ANK3: variants seen among roughly 807,000 people sequenced by gnomAD.
The protein encoded by ANK3 is ankyrin-3.
Under a neutral mutation model 370.9 loss-of-function variants are expected in ANK3, and 57 were observed. The ratio of observed to expected loss-of-function variants is 0.15; its 90% confidence interval spans 0.12 to 0.19. The LOEUF (loss-of-function observed/expected upper bound fraction) is 0.19, where lower values mean the gene tolerates loss of function less well. ANK3 is among the 10% of genes least tolerant of loss of function. The pLI is 1.00. For missense variants in ANK3, 4,439 were observed against 5,302.1 expected, an observed-to-expected ratio of 0.84 and a Z score of 5.06; for synonymous variants, 1,929 against 1,946.3, an observed-to-expected ratio of 0.99 and a Z score of 0.23.
In ANK3 at chr10:60,029,785, C is replaced by A. The variant is rs1467558475; in HGVS notation, c.*61G>T. 2 of 149,922 alleles carry A rather than the reference C, an allele frequency of 1.3e-5. No individual in the cohort carries two copies. The highest frequency in any genetic ancestry group is 3.0e-5 in the Non-Finnish European group (2 of 67,746). The allele number at this position is 149,922 out of a possible 1,614,324, so 9.3% of individuals were successfully genotyped here. A position where few individuals can be genotyped will look rare whatever the true frequency, so the allele number is the denominator to read the frequency against. ...GAATTTTTACTTCCTGCTGACATTT[C>A]TTCCACGAATTTCTCAATACTGGCA... On this transcript the variant is annotated 3_prime_UTR_variant, in exon 44 of 44. Coordinates refer to ENST00000280772, the MANE Select transcript of ANK3 (RefSeq NM_020987.5).
At chr10:60,582,510 A>G (rs2077768755) in intron 2 of ANK3, among the ~76,000 whole-genome samples, 1 of 152,054 alleles carries the variant, frequency 6.6e-6, no homozygotes, top group East Asian at 1.9e-4. Context: ...AATATGTGCC[A>G]GAGTTGAGCA....
chr10:60,276,694 T>C (rs974741235), intron 4 of ANK3, among the ~76,000 whole-genome samples: 16 of 152,218 alleles, frequency 1.1e-4, no homozygotes, highest in Non-Finnish European at 2.2e-4. Flanking sequence ...CCGAGCCAGT[T>C]TAAAACCATG....
chr10:60,367,583 C>T (rs890232758), intron 1 of ANK3, among the ~76,000 whole-genome samples: 2 of 152,206 alleles, frequency 1.3e-5, no homozygotes, highest in Admixed American at 6.5e-5. Context: ...AAACAACAAT[C>T]GTTGCCTTGC....
intron 36 of ANK3, among the ~76,000 whole-genome samples, chr10:60,080,236 T>A (rs2084866260): frequency 6.8e-6 from 1 of 148,132 alleles, no homozygotes; most frequent in African/African-American, 2.7e-5. Context: ...AACATTCATA[T>A]TTATCTCCTA....
At chr10:60,395,469 C>A (rs1263498680) in intron 2 of ANK3, among the ~76,000 whole-genome samples, 1 of 152,172 alleles carries the variant, frequency 6.6e-6, no homozygotes, top group Admixed American at 6.5e-5. Flanking sequence ...AAAAAGAGAG[C>A]CCGATCTGTC....
intron 42 of ANK3, among the ~76,000 whole-genome samples, chr10:60,046,436 T>C (rs2076979699): frequency 6.6e-6 from 1 of 152,216 alleles, no homozygotes; most frequent in Admixed American, 6.5e-5. Flanking sequence ...GGGCAGGTAC[T>C]GAATGAATCT....
intron 2 of ANK3, among the ~76,000 whole-genome samples, chr10:60,494,608 G>A (rs1045705942): frequency 6.6e-6 from 1 of 152,046 alleles, no homozygotes; most frequent in African/African-American, 2.4e-5. Flanking sequence ...AATGCAAACT[G>A]GTTCCAACAA....
intron 18 of ANK3, among the ~76,000 whole-genome samples, chr10:60,174,886 A>AT (rs1379646063): frequency 6.6e-6 from 1 of 151,906 alleles, no homozygotes; most frequent in Non-Finnish European, 1.5e-5. Flanking sequence ...CGCCTGGCTA[A>AT]TTTTTCTATT....
intron 2 of ANK3, among the ~76,000 whole-genome samples, chr10:60,534,419 A>G (rs1238472270): frequency 6.6e-6 from 1 of 152,148 alleles, no homozygotes; most frequent in Non-Finnish European, 1.5e-5. Flanking sequence ...TGTGAAGGTC[A>G]AGAGTCAACT....
chr10:60,323,599 G>C (rs1255804209), intron 1 of ANK3, among the ~76,000 whole-genome samples: 2 of 152,120 alleles, frequency 1.3e-5, no homozygotes, highest in Admixed American at 1.3e-4. Context: ...TATAAATTTG[G>C]TAGTTATCAA....
At chr10:60,572,795 G>C (rs548458027) in intron 2 of ANK3, 3 of 1,231,774 alleles carry the variant, frequency 2.4e-6, no homozygotes, top group Non-Finnish European at 3.0e-6. Context: ...CAATATTTTA[G>C]CCTTTCATTT....
chr10:60,465,021 T>G (rs2064977042), intron 2 of ANK3, among the ~76,000 whole-genome samples: 1 of 152,126 alleles, frequency 6.6e-6, no homozygotes, highest in African/African-American at 2.4e-5. Context: ...ATCTCGGCAC[T>G]TTGGGAGGAC....
At position 60,071,665 on chromosome 10, in the gene ANK3, A is replaced by G. The variant is rs949080449; in HGVS notation, c.9216T>C (p.Asp3072=). 6.2e-7 allele frequency: 1 copy of G among 1,607,148 alleles called. No homozygotes were observed. The highest frequency in any genetic ancestry group is 8.5e-7 in the Non-Finnish European group (1 of 1,177,538). ...CTAGTGGTGCGAGTTTTTCCAATCCATCAATGGGACTGTGGTCGAATACAT... is the reference window on the plus strand; with the variant it reads ...CTAGTGGTGCGAGTTTTTCCAATCCGTCAATGGGACTGTGGTCGAATACAT... ...SSDVFDHSPI[D]GLEKLAPLAQ... The change falls in exon 37 of 44, where the codon GAT becomes GAC. Residue 3072 remains aspartate (D), a synonymous_variant. Transcript: ENST00000280772.
intron 8 of ANK3, among the ~76,000 whole-genome samples, chr10:60,214,188 T>A (rs1045273591): frequency 6.6e-6 from 1 of 152,108 alleles, no homozygotes; most frequent in African/African-American, 2.4e-5. Flanking sequence ...CACGACTAGT[T>A]TATGTATCTG....
chr10:60,090,107 A>G (rs542749554), intron 28 of ANK3, among the ~76,000 whole-genome samples: 2 of 152,284 alleles, frequency 1.3e-5, no homozygotes, highest in South Asian at 4.1e-4. Flanking sequence ...TTACGAGGTC[A>G]GGAGTTCAAG....
At chr10:60,648,886 TCC>T (rs2078749288) in intron 1 of ANK3, among the ~76,000 whole-genome samples, 5 of 150,904 alleles carry the variant, frequency 3.3e-5, no homozygotes, top group Admixed American at 2.6e-4. Flanking sequence ...CTGCTCCTGC[TCC>T]TGCTCCCCCA....
rs377214080 is a variant in ANK3, at chr10:60,086,890, G to A, written c.3541-6C>T. ...TCATCTGGAACAGGCTGGGCCTAGA[G>A]ACAGAGAAAGGACTTTAAATGAAAG... On this transcript the variant is annotated splice_polypyrimidine_tract_variant and splice_region_variant and intron_variant, in intron 29 of 43. Coordinates refer to ENST00000280772, the MANE Select transcript of ANK3 (RefSeq NM_020987.5). The A allele has an allele frequency of 6.5e-5, 100 of 1,544,522 alleles. No homozygotes were observed. The African/African-American group carries it at 1.3e-3, about 21-fold the overall frequency.
chr10:60,041,886 A>G (rs2076153014), intron 43 of ANK3, among the ~76,000 whole-genome samples: 1 of 152,206 alleles, frequency 6.6e-6, no homozygotes, highest in Non-Finnish European at 1.5e-5. Flanking sequence ...AGATGCATGA[A>G]AATGAAAACT....
intron 2 of ANK3, among the ~76,000 whole-genome samples, chr10:60,477,697 A>T (rs1459484350): frequency 6.6e-6 from 1 of 152,114 alleles, no homozygotes; most frequent in Non-Finnish European, 1.5e-5. Flanking sequence ...ACATAAATTT[A>T]GAAAGTTCTT....
Sources: allele counts gnomAD v4.1 joint callset (sites outside exome capture counted in the v4.1 genomes callset), GRCh38; gene constraint gnomAD v4.1.1; transcripts MANE v1.5; gene names NCBI Gene and HGNC (gene_info 2026-07-23, HGNC 2026-07-21).